TMEM150A: variants seen among roughly 807,000 people sequenced by gnomAD.
TMEM150A encodes the protein fasting-inducible integral membrane protein TM6P1.
TMEM150A carries 18 observed loss-of-function variants against 29.8 expected under a neutral mutation model. The ratio of observed to expected loss-of-function variants is 0.60; its 90% CI spans 0.42 to 0.90. TMEM150A has a LOEUF of 0.90. Among genes scored for constraint, TMEM150A ranks in the 40% least tolerant of loss-of-function variants. The pLI, the probability that TMEM150A is intolerant of heterozygous loss-of-function variation, is 0.00. For missense variants in TMEM150A, 251 were observed against 349.7 expected, an observed-to-expected ratio of 0.72 and a Z score of 2.25; for synonymous variants, 127 against 143.6, an observed-to-expected ratio of 0.88 and a Z score of 0.83.
In TMEM150A at chr2:85,601,809, T is replaced by TG; in HGVS notation, c.65+74dup. ...CCCAGAGTGACCCTGGGTACCACCG[T>TG]GGCTATGACAGGACAAGAGACTTTG... On this transcript the variant is annotated intron_variant, in intron 2 of 7. Transcript: ENST00000334462. The surrounding 1 kb of genome is among the most constrained non-coding windows in gnomAD (Gnocchi z 4.0). The TG allele has an allele frequency of 1.3e-6, 2 of 1,542,284 alleles. No homozygotes were observed. The highest frequency in any genetic ancestry group is 1.8e-6 in the Non-Finnish European group (2 of 1,119,954).
At position 85,601,464 on chromosome 2, in the gene TMEM150A, C is replaced by T. The variant is rs1161025442; in HGVS notation, c.84G>A (p.Met28Ile). 1 of 1,613,220 alleles carries T rather than the reference C, an allele frequency of 6.2e-7. No individual in the cohort carries two copies. The highest frequency in any genetic ancestry group is 1.1e-5 in the South Asian group (1 of 91,040). The stretch of plus-strand genomic sequence containing the variant: ...TCTCCACAGGGCATACATGGTGGTT[C>T]ATCACAGCCATGGCATACCTGTGGG... ...GIWTVYAMAV[M>I]NHHVCPVENW... Residue 28 changes from methionine (M) to isoleucine (I), a missense_variant, in exon 3 of 8, where the codon ATG becomes ATA. By Grantham distance (10) the Met-to-Ile change is conservative. Coordinates refer to ENST00000334462, the MANE Select transcript of TMEM150A (RefSeq NM_001031738.3). The surrounding 1 kb of genome is among the most constrained non-coding windows in gnomAD (Gnocchi z 4.0).
chr2:85,601,073 C>T lies in TMEM150A; in HGVS notation c.148G>A (p.Glu50Lys). The change falls in exon 4 of 8, where the codon GAG (glutamate) becomes AAG (lysine). Residue 50 changes from glutamate to lysine, a missense_variant. By Grantham distance (56) the Glu-to-Lys change is moderately conservative. Transcript: ENST00000334462. The surrounding 1 kb of genome is among the most constrained non-coding windows in gnomAD (Gnocchi z 4.0). ...CAGCAGGTCTTGGGACCCCCTTGCT[C>T]AGCAGGGTCAGGAGGGCAGGACTCG... ...YNESCPPDPA[E>K]QGGPKTCCTL... 1 of 1,612,580 alleles carries T rather than the reference C, an allele frequency of 6.2e-7. No individual in the cohort carries two copies. The highest frequency in any genetic ancestry group is 1.1e-5 in the South Asian group (1 of 90,984).
At position 85,599,347 on chromosome 2, in the gene TMEM150A, G is replaced by A. The variant is rs1672799154; in HGVS notation, c.575-30C>T. ...AACGAGGCTAAGGAAATGTTCAGTA[G>A]GACATACGGAAACCTGGCAACACCC... On this transcript the variant is annotated intron_variant, in intron 7 of 7. Coordinates refer to ENST00000334462, the MANE Select transcript of TMEM150A (RefSeq NM_001031738.3). This position sits in a 1 kb window ranked among gnomAD's most constrained non-coding sequence, Gnocchi z 6.0. 12 of 1,610,706 alleles carry A rather than the reference G, an allele frequency of 7.5e-6. No homozygotes were observed. The highest frequency in any genetic ancestry group is 1.0e-5 in the Non-Finnish European group (12 of 1,177,480).
rs755667977 is a variant in TMEM150A at position 85,601,275 on chromosome 2, T to C, written c.113+160A>G. ...AGTAACCAAAGGGGCAAAGGGATAG[T>C]GGGAAGTGGGTAGGTGGCAAGAAGC... On this transcript the variant is annotated intron_variant, in intron 3 of 7. Coordinates refer to ENST00000334462, the MANE Select transcript of TMEM150A (RefSeq NM_001031738.3). This position sits in a 1 kb window ranked among gnomAD's most constrained non-coding sequence, Gnocchi z 4.0. The C allele has an allele frequency of 6.0e-6, 7 of 1,157,604 alleles. No homozygotes were observed. In the Admixed American group the frequency reaches 7.0e-5, roughly 12 times the overall value. The allele number at this position is 1,157,604 out of a possible 1,614,324, so 71.7% of individuals were successfully genotyped here.
chr2:85,600,493 G>A, intron 4 of TMEM150A, 81 bp from the exon 5 acceptor site: 1 of 970,264 alleles, frequency 1.0e-6, no homozygotes, highest in East Asian at 2.4e-5. Flanking sequence ...GCTCTCCCCT[G>A]CTTTACCTGC....
In TMEM150A at chr2:85,599,590, A is replaced by G. The variant is rs1189850540; in HGVS notation, c.509T>C (p.Leu170Pro). The change falls in exon 7 of 8, where the codon CTG becomes CCG. Residue 170 changes from leucine to proline, a missense_variant. Physicochemically the swap from Leu to Pro is moderately conservative, Grantham distance 98. Coordinates refer to ENST00000334462, the MANE Select transcript of TMEM150A (RefSeq NM_001031738.3). The surrounding 1 kb of genome is among the most constrained non-coding windows in gnomAD (Gnocchi z 6.0). ...TCGCAGATAGGCCACAGCCAGGTCC[A>G]GCGGGGCGGTGGCCCCTTGGTAGGA... ...ALSYQGATAP[L>P]DLAVAYLRSV... 5.0e-6 allele frequency: 8 copies of G among 1,613,896 alleles called. No homozygotes were observed. The highest frequency in any genetic ancestry group is 6.8e-6 in the Non-Finnish European group (8 of 1,179,850).
chr2:85,599,509 C>T lies in TMEM150A; in HGVS notation c.574+16G>A, dbSNP rs547332901. ...CTAGAGGATGAGTTCCTGGCTGCCC[C>T]GTCCTGAAAGGATACTGAGGACCAG... On this transcript the variant is annotated intron_variant, in intron 7 of 7. Coordinates refer to ENST00000334462, the MANE Select transcript of TMEM150A (RefSeq NM_001031738.3). This position sits in a 1 kb window ranked among gnomAD's most constrained non-coding sequence, Gnocchi z 6.0. 38 of 1,601,152 alleles carry T rather than the reference C, an allele frequency of 2.4e-5. No homozygotes were observed. In the South Asian group the frequency reaches 3.4e-4, roughly 14 times the overall value.
In TMEM150A at chr2:85,601,459, T is replaced by G; in HGVS notation, c.89A>C (p.His30Pro). The G allele has an allele frequency of 6.2e-7, 1 of 1,613,378 alleles. No homozygotes were observed. The highest frequency in any genetic ancestry group is 8.5e-7 in the Non-Finnish European group (1 of 1,179,948). Residue 30 changes from histidine (H) to proline (P), a missense_variant, in exon 3 of 8, where the codon CAC becomes CCC. Transcript: ENST00000334462. This position sits in a 1 kb window ranked among gnomAD's most constrained non-coding sequence, Gnocchi z 4.0. The stretch of plus-strand genomic sequence containing the variant: ...CCAGTTCTCCACAGGGCATACATGG[T>G]GGTTCATCACAGCCATGGCATACCT... ...WTVYAMAVMN[H>P]HVCPVENWSY...
In TMEM150A at chr2:85,601,974, G is replaced by T. The variant is rs1430712458; in HGVS notation, c.-26C>A. ...GAGGGAGGGGAGCCAGGGTGGTGGT[G>T]GTGTTGGGGGGAGGACAAGAGGTAG... On this transcript the variant is annotated 5_prime_UTR_variant, in exon 2 of 8. Transcript: ENST00000334462. This position sits in a 1 kb window ranked among gnomAD's most constrained non-coding sequence, Gnocchi z 4.0. The T allele has an allele frequency of 6.2e-7, 1 of 1,613,194 alleles. No homozygotes were observed. Among genetic ancestry groups the T allele is most frequent in the South Asian group, 1.1e-5 (1 of 91,048 alleles).
Position 85,601,482 on chromosome 2 carries a change from C to T in TMEM150A, c.66G>A (p.Val22=), listed in dbSNP as rs1440016518. Residue 22 remains valine, a splice_region_variant and synonymous_variant, in exon 3 of 8, where the codon GTG becomes GTA. Coordinates refer to ENST00000334462, the MANE Select transcript of TMEM150A (RefSeq NM_001031738.3). The surrounding 1 kb of genome is among the most constrained non-coding windows in gnomAD (Gnocchi z 4.0). ...GGTGGTTCATCACAGCCATGGCATA[C>T]CTGTGGGAACAGAACTGTCACCCTG... The part of the protein sequence containing the change: ...SAFSITGIWT[V]YAMAVMNHHV... 6.2e-7 allele frequency: 1 copy of T among 1,612,456 alleles called. No individual in the cohort carries two copies. Among genetic ancestry groups the T allele is most frequent in the East Asian group, 2.2e-5 (1 of 44,878 alleles).
intron 4 of TMEM150A, 189 bp downstream of exon 4, chr2:85,600,832 G>A: frequency 1.7e-6 from 1 of 589,818 alleles, no homozygotes; most frequent in East Asian, 2.9e-5. Flanking sequence ...ACTCCTGGGA[G>A]GATGAAAAGA....
At position 85,598,816 on chromosome 2, in the gene TMEM150A, C is replaced by T; in HGVS notation, c.*260G>A. ...CTGGGAGTAGAAGGCACCTGAAGGG[C>T]TGGCTGGGTGAGTGAGGACAGGTGA... On this transcript the variant is annotated 3_prime_UTR_variant, in exon 8 of 8. Transcript: ENST00000334462. 2.1e-6 allele frequency: 1 copy of T among 465,310 alleles called. No individual in the cohort carries two copies. Among genetic ancestry groups the T allele is most frequent in the Non-Finnish European group, 3.9e-6 (1 of 254,950 alleles). 28.8% of individuals were successfully genotyped at this position (465,310 alleles called of 1,614,324 possible).
intron 4 of TMEM150A, 46 bp downstream of exon 4, chr2:85,600,975 G>A: frequency 6.4e-7 from 1 of 1,572,914 alleles, no homozygotes; most frequent in Non-Finnish European, 8.7e-7. Flanking sequence ...GGGGCTGTCT[G>A]GGAGGCCCTT....
chr2:85,600,124 C>T (rs995480335), intron 5 of TMEM150A, 106 bp from the exon 6 acceptor site: 1 of 1,468,246 alleles, frequency 6.8e-7, no homozygotes. Context: ...TTCTGAGGGG[C>T]AGAAAGGAAC....
rs2104106175 is a variant in TMEM150A at position 85,601,746 on chromosome 2, G to T, written c.65+138C>A. The T allele has an allele frequency of 1.9e-6, 2 of 1,049,178 alleles. No homozygotes were observed. The highest frequency in any genetic ancestry group is 2.9e-6 in the Non-Finnish European group (2 of 692,938). The allele number at this position is 1,049,178 out of a possible 1,614,324, so 65.0% of individuals were successfully genotyped here. A position where few individuals can be genotyped will look rare whatever the true frequency, so the allele number is the denominator to read the frequency against. On this transcript the variant is annotated intron_variant, in intron 2 of 7. Coordinates refer to ENST00000334462, the MANE Select transcript of TMEM150A (RefSeq NM_001031738.3). This position sits in a 1 kb window ranked among gnomAD's most constrained non-coding sequence, Gnocchi z 4.0. The stretch of plus-strand genomic sequence containing the variant: ...GCAGTGGTGCCAGCTTGTCCCAAGG[G>T]GCTGTGTGCCCAGGCACCAAGTCAG...
Position 85,601,583 on chromosome 2 carries a change from CATT to C in TMEM150A, c.66-104_66-102del, listed in dbSNP as rs1402479077. ...CTTGATTTCTGGCCCCATTCAGCCT[CATT>C]ATTGTTGCTGGGGACTCAAGTTGAG... is the stretch of plus-strand genomic sequence containing the variant. On this transcript the variant is annotated intron_variant, in intron 2 of 7. Coordinates refer to ENST00000334462, the MANE Select transcript of TMEM150A (RefSeq NM_001031738.3). This position sits in a 1 kb window ranked among gnomAD's most constrained non-coding sequence, Gnocchi z 4.0. 2.0e-5 allele frequency: 28 copies of C among 1,396,098 alleles called. No homozygotes were observed. Among genetic ancestry groups the C allele is most frequent in the African/African-American group, 4.3e-5 (3 of 70,562 alleles). The allele number at this position is 1,396,098 out of a possible 1,614,324, so 86.5% of individuals were successfully genotyped here. A position where few individuals can be genotyped will look rare whatever the true frequency, so the allele number is the denominator to read the frequency against.
Position 85,598,643 on chromosome 2 carries a change from A to T in TMEM150A, c.*433T>A. 1 of 176,132 alleles carries T rather than the reference A, an allele frequency of 5.7e-6. No individual in the cohort carries two copies. The highest frequency in any genetic ancestry group is 1.2e-5 in the Non-Finnish European group (1 of 80,604). 10.9% of individuals were successfully genotyped at this position (176,132 alleles called of 1,614,324 possible). ...CTAAAGGAAGTGAGGGGCAGAGTGA[A>T]GAATCCCAGTGCAGCTCAGTGGGCC... On this transcript the variant is annotated 3_prime_UTR_variant, in exon 8 of 8. Coordinates refer to ENST00000334462, the MANE Select transcript of TMEM150A (RefSeq NM_001031738.3).
rs774840450 is a variant in TMEM150A at position 85,601,639 on chromosome 2, AC to A, written c.66-158del. The stretch of plus-strand genomic sequence containing the variant: ...CCCTAAGGCTTGATGCCACACCAGC[AC>A]CTGCAGCATGCCCCCAGCTACAGGC... On this transcript the variant is annotated intron_variant, in intron 2 of 7. Transcript: ENST00000334462. This position sits in a 1 kb window ranked among gnomAD's most constrained non-coding sequence, Gnocchi z 4.0. 100 of 868,906 alleles carry A rather than the reference AC, an allele frequency of 1.2e-4. No homozygotes were observed. The highest frequency in any genetic ancestry group is 1.6e-4 in the Non-Finnish European group (91 of 558,658). 53.8% of individuals were successfully genotyped at this position (868,906 alleles called of 1,614,324 possible). A position where few individuals can be genotyped will look rare whatever the true frequency, so the allele number is the denominator to read the frequency against.
chr2:85,599,044 G>A lies in TMEM150A; in HGVS notation c.*32C>T, dbSNP rs753033182. 6.9e-6 allele frequency: 11 copies of A among 1,599,442 alleles called. No homozygotes were observed. The highest frequency in any genetic ancestry group is 8.6e-6 in the Non-Finnish European group (10 of 1,169,486). On this transcript the variant is annotated 3_prime_UTR_variant, in exon 8 of 8. Coordinates refer to ENST00000334462, the MANE Select transcript of TMEM150A (RefSeq NM_001031738.3). This position sits in a 1 kb window ranked among gnomAD's most constrained non-coding sequence, Gnocchi z 6.0. The stretch of plus-strand genomic sequence containing the variant: ...GAAAGAAGATATGGGGTGGGGTGCT[G>A]TGGAGGCCGGGCCAGCCACCCTCCC...
Sources: allele counts gnomAD v4.1 joint callset, GRCh38; gene constraint gnomAD v4.1.1; non-coding constraint Gnocchi (gnomAD v3.1); transcripts MANE v1.5; gene names NCBI Gene and HGNC (gene_info 2026-07-23, HGNC 2026-07-21).